Variants in NTM observed in about 807,000 individuals in gnomAD.
NTM encodes IgLON family member 2.
NTM carries 13 observed loss-of-function variants against 42.1 expected under a neutral mutation model. The ratio of observed to expected loss-of-function variants is 0.31; its 90% CI spans 0.20 to 0.49. NTM has a LOEUF of 0.49. Ranked by LOEUF, NTM falls within the 20% of genes least tolerant of loss-of-function variation. NTM has a pLI of 0.99. For missense variants in NTM, 373 were observed against 452.8 expected (o/e 0.82, Z 1.60); for synonymous variants, 187 against 179.2 (o/e 1.04, Z -0.35).
chr11:131,885,670 T>A (rs564377216), intron 1 of NTM, among the ~76,000 whole-genome samples: 170 of 152,304 alleles, frequency 1.1e-3, no homozygotes, highest in African/African-American at 3.7e-3. Context: ...GGAAGGAGTC[T>A]CATTGCATTA....
intron 1 of NTM, among the ~76,000 whole-genome samples, chr11:131,698,846 T>C (rs1031406601): frequency 6.6e-6 from 1 of 152,230 alleles, no homozygotes; most frequent in Non-Finnish European, 1.5e-5. Context: ...AGAAAGCCTA[T>C]GTGTCCTTTC....
chr11:131,622,981 A>G (rs1377566820), intron 1 of NTM, among the ~76,000 whole-genome samples: 1 of 152,246 alleles, frequency 6.6e-6, no homozygotes, highest in African/African-American at 2.4e-5. Flanking sequence ...AAAAAGAGAA[A>G]GAGGAAGAGG....
At chr11:131,530,238 A>G (rs1451055029) in intron 1 of NTM, among the ~76,000 whole-genome samples, 1 of 152,196 alleles carries the variant, frequency 6.6e-6, no homozygotes, top group African/African-American at 2.4e-5. Flanking sequence ...ATACTTGCTG[A>G]GTGCATGAAT....
At position 131,613,550 on chromosome 11, in the gene NTM, T is replaced by C. The variant is rs2061640774; in HGVS notation, c.82+242662T>C. On this transcript the variant is annotated intron_variant, in intron 1 of 8. Transcript: ENST00000683400. ...ATAAGACGGGCGCTTCTTTCAAACC[T>C]AGTAAATATTATAAATCTACTATGA... is the stretch of plus-strand genomic sequence containing the variant. 2.0e-5 allele frequency among the ~76,000 whole-genome samples: 3 copies of C among 152,136 alleles called. No homozygotes were observed. In the South Asian group the frequency reaches 6.2e-4, roughly 32 times the overall value.
intron 3 of NTM, among the ~76,000 whole-genome samples, chr11:132,209,581 G>A (rs1048261902): frequency 3.3e-5 from 5 of 152,184 alleles, no homozygotes; most frequent in Non-Finnish European, 7.3e-5. Flanking sequence ...TTATATTAAT[G>A]TAATTTATAG....
intron 4 of NTM, among the ~76,000 whole-genome samples, chr11:132,231,502 G>A (rs1046454974): frequency 3.3e-5 from 5 of 152,200 alleles, no homozygotes; most frequent in Admixed American, 2.0e-4. Context: ...CATAGACACA[G>A]AAGTTTTATT....
rs937088177 is a variant in NTM at position 132,307,610 on chromosome 11, T to C, written c.527-79T>C. ...CAAATTATCTGCAGACATAACCATT[T>C]TATACTTTGTTTTCTAAGTGAACAT... On this transcript the variant is annotated intron_variant, in intron 4 of 8. Transcript: ENST00000683400. The C allele has an allele frequency of 1.9e-5, 30 of 1,584,672 alleles. No individual in the cohort carries two copies. The African/African-American group carries it at 3.9e-4, about 21-fold the overall frequency.
At chr11:131,442,002 T>C (rs1949660798) in intron 1 of NTM, among the ~76,000 whole-genome samples, 1 of 152,206 alleles carries the variant, frequency 6.6e-6, no homozygotes, top group Non-Finnish European at 1.5e-5. Flanking sequence ...ATTGATTAGA[T>C]GCACCACTCC....
At chr11:131,915,527 C>G (rs995017773) in intron 2 of NTM, among the ~76,000 whole-genome samples, 1 of 152,142 alleles carries the variant, frequency 6.6e-6, no homozygotes, top group African/African-American at 2.4e-5. Context: ...TACCACATTT[C>G]TCTATCATTT....
At chr11:131,559,744 C>T (rs2055974645) in intron 1 of NTM, among the ~76,000 whole-genome samples, 1 of 152,202 alleles carries the variant, frequency 6.6e-6, no homozygotes, top group African/African-American at 2.4e-5. Context: ...GACTCTAGCT[C>T]CAAAGTGGCT....
intron 3 of NTM, among the ~76,000 whole-genome samples, chr11:132,183,249 CT>C (rs1353206123): frequency 6.6e-6 from 1 of 152,150 alleles, no homozygotes; most frequent in African/African-American, 2.4e-5. Context: ...ACCCAGAAAC[CT>C]GGAGAGGCAT....
chr11:131,907,016 T>C (rs1371525288), intron 1 of NTM, among the ~76,000 whole-genome samples: 1 of 152,198 alleles, frequency 6.6e-6, no homozygotes, highest in Admixed American at 6.5e-5. Context: ...GATTTACACA[T>C]CCTTTTCTGA....
chr11:131,857,285 C>G (rs547912105), intron 1 of NTM, among the ~76,000 whole-genome samples: 1 of 152,296 alleles, frequency 6.6e-6, no homozygotes, highest in Non-Finnish European at 1.5e-5. Context: ...TAAAATTATA[C>G]TATACCCCTG....
At chr11:131,805,098 T>A (rs1034701985) in intron 1 of NTM, among the ~76,000 whole-genome samples, 1 of 152,214 alleles carries the variant, frequency 6.6e-6, no homozygotes, top group African/African-American at 2.4e-5. Flanking sequence ...TACAAATAGA[T>A]GAAACATTCA....
At chr11:131,594,944 C>T (rs898364427) in intron 1 of NTM, among the ~76,000 whole-genome samples, 4 of 152,200 alleles carry the variant, frequency 2.6e-5, no homozygotes, top group African/African-American at 9.6e-5. Flanking sequence ...CTTGCTCAAT[C>T]TCTCTGGGCT....
At chr11:131,755,525 A>G (rs961302795) in intron 1 of NTM, among the ~76,000 whole-genome samples, 5 of 152,222 alleles carry the variant, frequency 3.3e-5, no homozygotes, top group African/African-American at 1.2e-4. Context: ...TAGTATAAGT[A>G]TGTCCCATGC....
chr11:132,278,189 G>C (rs1591693203), intron 4 of NTM, among the ~76,000 whole-genome samples: 1 of 152,162 alleles, frequency 6.6e-6, no homozygotes. Flanking sequence ...GGCCTCTGTT[G>C]TACTTAGCTA....
At chr11:131,430,475 C>T (rs887792844) in intron 1 of NTM, among the ~76,000 whole-genome samples, 1 of 152,086 alleles carries the variant, frequency 6.6e-6, no homozygotes, top group Non-Finnish European at 1.5e-5. Flanking sequence ...GGTTCCAAGT[C>T]CATTAATAGC....
chr11:131,992,998 T>C (rs2067304310), intron 2 of NTM, among the ~76,000 whole-genome samples: 2 of 152,048 alleles, frequency 1.3e-5, no homozygotes, highest in Non-Finnish European at 2.9e-5. Context: ...CTTCTGGGGG[T>C]TTACCCACTA....
Sources: allele counts gnomAD v4.1 joint callset (sites outside exome capture counted in the v4.1 genomes callset), GRCh38; gene constraint gnomAD v4.1.1; transcripts MANE v1.5; gene names NCBI Gene and HGNC (gene_info 2026-07-23, HGNC 2026-07-21).